The following MEF2A variants were observed in gnomAD, a reference collection of about 807,000 sequenced individuals.
MEF2A encodes the protein myocyte-specific enhancer factor 2A.
MEF2A carries 28 observed loss-of-function variants against 55.8 expected under a neutral mutation model. That is an observed-to-expected ratio of 0.50 (90% CI 0.37 to 0.69). The LOEUF (loss-of-function observed/expected upper bound fraction) is 0.69, where lower values mean the gene tolerates loss of function less well. MEF2A is among the 30% of genes least tolerant of loss of function. MEF2A has a pLI of 0.00. For missense variants in MEF2A, 528 were observed against 626.2 expected (o/e 0.84, Z 1.67); for synonymous variants, 239 against 227.1 (o/e 1.05, Z -0.47).
intron 2 of MEF2A, among the ~76,000 whole-genome samples, chr15:99,624,080 A>G (rs550376717): frequency 6.6e-6 from 1 of 152,332 alleles, no homozygotes; most frequent in African/African-American, 2.4e-5. Flanking sequence ...CGTTGGGATT[A>G]CAGGCATGAG....
At chr15:99,655,912 G>A (rs906322896) in intron 4 of MEF2A, among the ~76,000 whole-genome samples, 2 of 152,106 alleles carry the variant, frequency 1.3e-5, no homozygotes, top group Non-Finnish European at 2.9e-5. Context: ...TTTAACTGAT[G>A]AGGAAGCCGC....
chr15:99,702,880 C>G (rs1362207393), intron 8 of MEF2A, among the ~76,000 whole-genome samples: 1 of 152,084 alleles, frequency 6.6e-6, no homozygotes, highest in Non-Finnish European at 1.5e-5. Context: ...ACTGCTAGCT[C>G]CTGCGGGAAA....
In MEF2A at chr15:99,660,239, T is replaced by C. The variant is rs566144335; in HGVS notation, c.259-11084T>C. On this transcript the variant is annotated intron_variant, in intron 4 of 11. Transcript: ENST00000557942. ...TTTTTGAGATGGAGTTTCGCTCTTGTTGCCCAGGCTGGAGTGCAATGGCGT... is the reference window on the plus strand; with the variant it reads ...TTTTTGAGATGGAGTTTCGCTCTTGCTGCCCAGGCTGGAGTGCAATGGCGT... Among the ~76,000 whole-genome samples the C allele has an allele frequency of 3.3e-5, 5 of 152,322 alleles. No homozygotes were observed. In the South Asian group the frequency reaches 8.3e-4, roughly 25 times the overall value.
chr15:99,595,038 A>G (rs1045280258), intron 1 of MEF2A, among the ~76,000 whole-genome samples: 1 of 152,124 alleles, frequency 6.6e-6, no homozygotes, highest in Non-Finnish European at 1.5e-5. Context: ...TATTCACCAA[A>G]AGCATTTACT....
rs566107736 is a variant in MEF2A, at chr15:99,694,895, G to A, written c.858+4467G>A. Among the ~76,000 whole-genome samples, 9 of 151,614 alleles carry A rather than the reference G, an allele frequency of 5.9e-5. No homozygotes were observed. The East Asian group carries it at 7.7e-4, about 13-fold the overall frequency. On this transcript the variant is annotated intron_variant, in intron 8 of 11. Transcript: ENST00000557942. ...ACTTTGGTTTATAATACAATACCAC[G>A]TTTTTCTGTTGCTTTGTTCTAGCTT...
intron 5 of MEF2A, among the ~76,000 whole-genome samples, chr15:99,673,411 T>C (rs1256770923): frequency 6.6e-6 from 1 of 152,218 alleles, no homozygotes; most frequent in East Asian, 1.9e-4. Flanking sequence ...TTTATATTTG[T>C]TGATGTATAA....
At chr15:99,662,555 A>G (rs2048833637) in intron 4 of MEF2A, among the ~76,000 whole-genome samples, 1 of 151,356 alleles carries the variant, frequency 6.6e-6, no homozygotes, top group Non-Finnish European at 1.5e-5. Context: ...GCTCACTGCA[A>G]CCTCCACCTC....
At chr15:99,662,632 C>G (rs971072559) in intron 4 of MEF2A, among the ~76,000 whole-genome samples, 2 of 152,030 alleles carry the variant, frequency 1.3e-5, no homozygotes, top group Non-Finnish European at 2.9e-5. Flanking sequence ...TCTGCCACTA[C>G]GCCCAGCTAA....
At chr15:99,672,996 G>A (rs1413054798) in intron 5 of MEF2A, among the ~76,000 whole-genome samples, 1 of 152,144 alleles carries the variant, frequency 6.6e-6, no homozygotes, top group Non-Finnish European at 1.5e-5. Flanking sequence ...ACCCTTTGTG[G>A]ATGTGCTTGT....
chr15:99,643,755 CTAA>C (rs2045458513), intron 3 of MEF2A, among the ~76,000 whole-genome samples: 1 of 152,004 alleles, frequency 6.6e-6, no homozygotes, highest in Non-Finnish European at 1.5e-5. Context: ...CCACGCCCGG[CTAA>C]TTTTTTGTGT....
At chr15:99,566,443 G>T (rs1959483513) in intron 1 of MEF2A, 1 of 149,992 alleles carries the variant, frequency 6.7e-6, no homozygotes, top group Non-Finnish European at 1.5e-5. Flanking sequence ...CGGGCCGGTG[G>T]GGCTGGATGG....
chr15:99,642,502 T>C (rs905046717), intron 3 of MEF2A, among the ~76,000 whole-genome samples: 3 of 152,174 alleles, frequency 2.0e-5, no homozygotes, highest in African/African-American at 7.2e-5. Context: ...TGATTTTCAT[T>C]ATTGTGCTAA....
chr15:99,673,636 A>C (rs1187935549), intron 5 of MEF2A, among the ~76,000 whole-genome samples: 1 of 152,208 alleles, frequency 6.6e-6, no homozygotes, highest in South Asian at 2.1e-4. Flanking sequence ...GAGGAAATGC[A>C]AGATGAAAAT....
Position 99,633,169 on chromosome 15 carries a change from G to A in MEF2A, c.50G>A (p.Arg17Gln), listed in dbSNP as rs754720431. 1.9e-6 allele frequency: 3 copies of A among 1,569,086 alleles called. No individual in the cohort carries two copies. The highest frequency in any genetic ancestry group is 1.7e-6 in the Non-Finnish European group (2 of 1,161,666). ...QITRIMDERN[R>Q]QVTFTKRKFG... ...ACACGCATAATGGATGAAAGGAACC[G>A]ACAGGTAAATGAAAATTTTAATTTA... Residue 17 changes from arginine to glutamine, a missense_variant, in exon 3 of 12, where the codon CGA becomes CAA. By Grantham distance (43) the Arg-to-Gln change is conservative. Around this residue, in one of 2 missense-constraint regions of MEF2A, gnomAD observed 78 missense variants for 150.9 expected, o/e 0.52. Coordinates refer to ENST00000557942, the MANE Select transcript of MEF2A (RefSeq NM_001319206.4).
In MEF2A at chr15:99,716,273, T is replaced by C. The variant is rs150316263; in HGVS notation, c.*3502T>C. 710 of 342,270 alleles carry C rather than the reference T, an allele frequency of 2.1e-3. 1 individual carries two copies. The highest frequency in any genetic ancestry group is 3.3e-3 in the Non-Finnish European group (565 of 172,678). 21.2% of individuals were successfully genotyped at this position (342,270 alleles called of 1,614,324 possible). On this transcript the variant is annotated 3_prime_UTR_variant, in exon 12 of 12. Transcript: ENST00000557942. ...CACGGTTTGATCATGTAAAACCGTT[T>C]GGCGGCACAAGCTGGACTTTGTTGC... is the stretch of plus-strand genomic sequence containing the variant.
chr15:99,607,767 G>A (rs1056222043), intron 2 of MEF2A, among the ~76,000 whole-genome samples: 10 of 152,122 alleles, frequency 6.6e-5, no homozygotes, highest in South Asian at 2.1e-4. Context: ...AAGACAGGAC[G>A]TTGTTCTTTA....
chr15:99,646,589 G>A (rs796118562), intron 4 of MEF2A, among the ~76,000 whole-genome samples: 3 of 152,182 alleles, frequency 2.0e-5, no homozygotes, highest in African/African-American at 7.2e-5. Context: ...TTTCTTTGGT[G>A]AAAGTACTGA....
chr15:99,645,671 T>C lies in MEF2A; in HGVS notation c.165T>C (p.Phe55=), dbSNP rs372436031. The C allele has an allele frequency of 2.7e-5, 44 of 1,613,570 alleles. No homozygotes were observed. Among genetic ancestry groups the C allele is most frequent in the Non-Finnish European group, 3.6e-5 (43 of 1,179,670 alleles). Residue 55 remains phenylalanine (F), a synonymous_variant, in exon 4 of 12, where the codon TTT becomes TTC. Transcript: ENST00000557942. ...LIIFNSSNKL[F]QYASTDMDKV... is the part of the protein sequence containing the mutation. ...TTTTCAACAGCTCTAACAAACTGTT[T>C]CAATATGCTAGCACTGATATGGACA...
intron 2 of MEF2A, among the ~76,000 whole-genome samples, chr15:99,622,865 C>A (rs544791891): frequency 6.6e-6 from 1 of 151,974 alleles, no homozygotes; most frequent in Non-Finnish European, 1.5e-5. Context: ...CCATGCCCGG[C>A]TAATTTTTTT....
Sources: allele counts gnomAD v4.1 joint callset (sites outside exome capture counted in the v4.1 genomes callset), GRCh38; gene constraint gnomAD v4.1.1; regional missense constraint gnomAD v4.1.1; transcripts MANE v1.5; gene names NCBI Gene and HGNC (gene_info 2026-07-23, HGNC 2026-07-21).